KCTD16: variants seen among roughly 807,000 people sequenced by gnomAD.
KCTD16 encodes the protein BTB/POZ domain-containing protein KCTD16.
KCTD16 carries 13 observed loss-of-function variants against 33.2 expected under a neutral mutation model. The ratio of observed to expected loss-of-function variants is 0.39; its 90% CI spans 0.25 to 0.62. KCTD16 has a LOEUF of 0.62. Ranked by LOEUF, KCTD16 falls within the 20% of genes least tolerant of loss-of-function variation. The probability of loss-of-function intolerance (pLI) is 0.50; values close to 1 mark genes in which losing one functional copy is unlikely to be tolerated. For synonymous variants in KCTD16, 197 were observed against 195.3 expected (o/e 1.01, Z -0.07); for missense variants, 441 against 525.1 (o/e 0.84, Z 1.57).
chr5:144,363,300 C>T (rs1266009440), intron 3 of KCTD16, among the ~76,000 whole-genome samples: 1 of 152,094 alleles, frequency 6.6e-6, no homozygotes, highest in African/African-American at 2.4e-5. Flanking sequence ...CAAGATCGCG[C>T]CACTGCACTC....
chr5:144,199,514 G>T (rs892942260), intron 2 of KCTD16, among the ~76,000 whole-genome samples: 1 of 152,108 alleles, frequency 6.6e-6, no homozygotes, highest in Non-Finnish European at 1.5e-5. Context: ...AATTATATGA[G>T]AATCGTGCAG....
At chr5:144,194,654 T>C (rs1752907765) in intron 2 of KCTD16, among the ~76,000 whole-genome samples, 1 of 152,254 alleles carries the variant, frequency 6.6e-6, no homozygotes, top group Non-Finnish European at 1.5e-5. Flanking sequence ...ATTATTTATT[T>C]AGTTCTCACA....
Position 144,475,627 on chromosome 5 carries a change from T to G in KCTD16, c.*1513T>G, listed in dbSNP as rs1754578262. On this transcript the variant is annotated 3_prime_UTR_variant, in exon 4 of 4. Coordinates refer to ENST00000512467, the MANE Select transcript of KCTD16 (RefSeq NM_020768.4). ...GGTAACCAAAAAATAATTTGTCAAT[T>G]AATAGTTGTGTGCCAAGCACTCCTA... 1 of 152,632 alleles carries G rather than the reference T, an allele frequency of 6.6e-6. No individual in the cohort carries two copies. The highest frequency in any genetic ancestry group is 1.5e-5 in the Non-Finnish European group (1 of 68,026). 9.5% of individuals were successfully genotyped at this position (152,632 alleles called of 1,614,324 possible). A position where few individuals can be genotyped will look rare whatever the true frequency, so the allele number is the denominator to read the frequency against.
chr5:144,381,607 G>GT (rs1752217055), intron 3 of KCTD16, among the ~76,000 whole-genome samples: 1 of 152,018 alleles, frequency 6.6e-6, no homozygotes, highest in Admixed American at 6.6e-5. Context: ...GTGGAGGGGG[G>GT]AGGTGCCACA....
intron 3 of KCTD16, among the ~76,000 whole-genome samples, chr5:144,380,706 A>T (rs1752194872): frequency 6.6e-6 from 1 of 152,190 alleles, no homozygotes; most frequent in Non-Finnish European, 1.5e-5. Flanking sequence ...AACAACAACA[A>T]GCAATGGGGG....
At chr5:144,442,078 G>A (rs1168631440) in intron 3 of KCTD16, among the ~76,000 whole-genome samples, 1 of 152,080 alleles carries the variant, frequency 6.6e-6, no homozygotes, top group Non-Finnish European at 1.5e-5. Flanking sequence ...GTTCAAATTT[G>A]TTAGATTTTC....
At chr5:144,176,329 G>A (rs1388600857) in intron 2 of KCTD16, among the ~76,000 whole-genome samples, 1 of 151,190 alleles carries the variant, frequency 6.6e-6, no homozygotes, top group African/African-American at 2.4e-5. Flanking sequence ...GAAAGAAAAA[G>A]GCAGTGTCCC....
At chr5:144,413,995 G>C (rs1427771603) in intron 3 of KCTD16, among the ~76,000 whole-genome samples, 2 of 152,148 alleles carry the variant, frequency 1.3e-5, no homozygotes, top group Non-Finnish European at 2.9e-5. Flanking sequence ...AAGTGACCTT[G>C]TAGATCCATT....
At chr5:144,465,048 A>G (rs761602053) in intron 3 of KCTD16, among the ~76,000 whole-genome samples, 2 of 152,168 alleles carry the variant, frequency 1.3e-5, no homozygotes, top group Non-Finnish European at 2.9e-5. Flanking sequence ...TAGAAGGTAG[A>G]GATTAAGCAT....
intron 3 of KCTD16, among the ~76,000 whole-genome samples, chr5:144,425,143 G>C (rs1008836785): frequency 1.3e-5 from 2 of 152,106 alleles, no homozygotes; most frequent in Admixed American, 1.3e-4. Context: ...TACAATAGTA[G>C]ATCAGGCATA....
At chr5:144,229,483 T>C (rs1210834460) in intron 3 of KCTD16, among the ~76,000 whole-genome samples, 1 of 152,134 alleles carries the variant, frequency 6.6e-6, no homozygotes, top group African/African-American at 2.4e-5. Flanking sequence ...GAGGATGAGA[T>C]TTTTGAATGT....
At chr5:144,445,053 C>G (rs757485970) in intron 3 of KCTD16, among the ~76,000 whole-genome samples, 24 of 150,694 alleles carry the variant, frequency 1.6e-4, no homozygotes, top group Non-Finnish European at 3.4e-4. Context: ...TTGTTCTGTT[C>G]CCTTGCCTCA....
chr5:144,418,228 T>C (rs999313698), intron 3 of KCTD16, among the ~76,000 whole-genome samples: 1 of 152,106 alleles, frequency 6.6e-6, no homozygotes, highest in Non-Finnish European at 1.5e-5. Flanking sequence ...CAAGCTTTAT[T>C]ACAAAGAGCA....
chr5:144,207,216 G>A lies in KCTD16; in HGVS notation c.502G>A (p.Val168Met). 6.2e-7 allele frequency: 1 copy of A among 1,613,832 alleles called. No individual in the cohort carries two copies. The highest frequency in any genetic ancestry group is 8.5e-7 in the Non-Finnish European group (1 of 1,179,846). ...CGACCGCAAGTGGGGTTTCATTACT[G>A]TGGGTTACAGAGGATCCTGCACCTT... The part of the protein sequence containing the change: ...PADRKWGFIT[V>M]GYRGSCTLGR... Residue 168 changes from valine to methionine, a missense_variant, in exon 3 of 4, where the codon GTG becomes ATG. Coordinates refer to ENST00000512467, the MANE Select transcript of KCTD16 (RefSeq NM_020768.4).
At chr5:144,387,287 T>G (rs1752347275) in intron 3 of KCTD16, among the ~76,000 whole-genome samples, 1 of 152,132 alleles carries the variant, frequency 6.6e-6, no homozygotes, top group Non-Finnish European at 1.5e-5. Context: ...CAAAGCACTT[T>G]CATGTATAGT....
At chr5:144,190,691 C>A (rs1752824051) in intron 2 of KCTD16, among the ~76,000 whole-genome samples, 1 of 152,146 alleles carries the variant, frequency 6.6e-6, no homozygotes, top group Admixed American at 6.6e-5. Context: ...GCTATTAATA[C>A]CCCTCCCCAG....
rs1185477923 is a variant in KCTD16, at chr5:144,210,252, G to T, written c.832+2706G>T. Among the ~76,000 whole-genome samples the T allele has an allele frequency of 2.0e-5, 3 of 152,132 alleles. No individual in the cohort carries two copies. The East Asian group carries it at 5.8e-4, about 29-fold the overall frequency. Reference sequence around the variant, plus strand: ...TCAGGTGGTTTTCAGTGTGTGTTTTGTTAGTGTAGAACTATGAACAATGAA... The same window carrying T: ...TCAGGTGGTTTTCAGTGTGTGTTTTTTTAGTGTAGAACTATGAACAATGAA... On this transcript the variant is annotated intron_variant, in intron 3 of 3. Transcript: ENST00000512467.
rs1754727807 is a variant in KCTD16 at position 144,482,686 on chromosome 5, T to TGTGA, written c.*8576_*8579dup. ...CTTCACCGAAATACGTGCATGCATG[T>TGTGA]GTGAGTGTGTGTGTGTGAGGAGTGT... On this transcript the variant is annotated 3_prime_UTR_variant, in exon 4 of 4. Transcript: ENST00000512467. 1 of 151,818 alleles carries TGTGA rather than the reference T, an allele frequency of 6.6e-6. No individual in the cohort carries two copies. The highest frequency in any genetic ancestry group is 6.6e-5 in the Admixed American group (1 of 15,194). 9.4% of individuals were successfully genotyped at this position (151,818 alleles called of 1,614,324 possible).
rs1193604485 is a variant in KCTD16 at position 144,470,504 on chromosome 5, CCTAT to C, written c.833-3153_833-3150del. On this transcript the variant is annotated intron_variant, in intron 3 of 3. Transcript: ENST00000512467. ...ATCAGCTGGATGGGGCCCTTCTGAT[CCTAT>C]CTTTCTTTTTTGGTTTAATATAATA... 2.0e-5 allele frequency among the ~76,000 whole-genome samples: 3 copies of C among 152,212 alleles called. No individual in the cohort carries two copies. The East Asian group carries it at 5.8e-4, about 29-fold the overall frequency.
Sources: gnomAD v4.1 joint callset for allele counts (sites outside exome capture counted in the v4.1 genomes callset) on GRCh38, gnomAD v4.1.1 for gene constraint, MANE v1.5 for transcripts, NCBI Gene and HGNC (gene_info 2026-07-23, HGNC 2026-07-21) for gene names.